Variants in CYFIP1 observed in about 807,000 individuals in gnomAD.
The protein encoded by CYFIP1 is cytoplasmic FMR1-interacting protein 1.
In CYFIP1, 58 loss-of-function variants were observed where a neutral mutation model predicts 163.5. The ratio of observed to expected loss-of-function variants is 0.35; its 90% CI spans 0.29 to 0.44. CYFIP1 has a LOEUF of 0.44. Among genes scored for constraint, CYFIP1 ranks in the 20% least tolerant of loss-of-function variants. CYFIP1 has a pLI of 1.00. For synonymous variants in CYFIP1, 663 were observed against 660.7 expected (o/e 1.00, Z -0.05); for missense variants, 1,338 against 1,653.8 (o/e 0.81, Z 3.31).
chr15:22,963,910 A>T (rs541363786), intron 1 of CYFIP1, among the ~76,000 whole-genome samples: 8 of 152,292 alleles, frequency 5.3e-5, no homozygotes, highest in Admixed American at 5.2e-4. Context: ...CCCCGGGAAT[A>T]AACATCAGTG....
Position 22,932,233 on chromosome 15 carries a change from C to G in CYFIP1, c.1100G>C (p.Ser367Thr). The change falls in exon 11 of 31, where the codon AGC becomes ACC. Residue 367 changes from serine to threonine, a missense_variant. Transcript: ENST00000617928. Reference sequence around the variant, plus strand: ...GGTCGCGGGGCGCACCTCGCTGTTGCTGTAGCGCGCCAGCTCCGAAATGAA... The same window carrying G: ...GGTCGCGGGGCGCACCTCGCTGTTGGTGTAGCGCGCCAGCTCCGAAATGAA... ...MRFISELARY[S>T]NSEVVTGSGR... 3 of 1,610,726 alleles carry G rather than the reference C, an allele frequency of 1.9e-6. No homozygotes were observed. Among genetic ancestry groups the G allele is most frequent in the Non-Finnish European group, 2.5e-6 (3 of 1,178,212 alleles).
At chr15:22,966,348 G>A (rs1439180653) in intron 1 of CYFIP1, among the ~76,000 whole-genome samples, 1 of 149,756 alleles carries the variant, frequency 6.7e-6, no homozygotes, top group Non-Finnish European at 1.5e-5. Flanking sequence ...ACTCCAGCCT[G>A]GGCAACAAAA....
At chr15:22,875,333 C>T in intron 26 of CYFIP1, 62 bp from the exon 27 acceptor site, 2 of 1,418,460 alleles carry the variant, frequency 1.4e-6, no homozygotes, top group South Asian at 1.1e-5. Context: ...CAATCTGGTG[C>T]TGAAAACCAA....
rs192839127 is a variant in CYFIP1 at position 22,932,993 on chromosome 15, C to T, written c.993-653G>A. Among the ~76,000 whole-genome samples, 582 of 152,116 alleles carry T rather than the reference C, an allele frequency of 3.8e-3. 2 individuals are homozygous for T. The highest frequency in any genetic ancestry group is 0.013 in the African/African-American group (549 of 41,502). ...GACTACAGGCGTGTGCCACCATGCC[C>T]GGCTAATTTTTGTATTTTTTCATAC... On this transcript the variant is annotated intron_variant, in intron 10 of 30. Transcript: ENST00000617928.
chr15:22,980,434 T>TCCTCCCGGCGCTCCTC (rs1190141033), upstream of CYFIP1: 1 of 151,642 alleles, frequency 6.6e-6, no homozygotes, highest in African/African-American at 2.4e-5. Context: ...CTCGGCCTCT[T>TCCTCCCGGCGCTCCTC]CCTCCCGGCG....
chr15:22,969,240 T>G (rs994195975), intron 1 of CYFIP1, among the ~76,000 whole-genome samples: 3 of 152,106 alleles, frequency 2.0e-5, no homozygotes, highest in Admixed American at 2.0e-4. Flanking sequence ...TATTCCCATC[T>G]AAAAAACCTG....
chr15:22,974,199 C>T (rs2063191510), intron 1 of CYFIP1, among the ~76,000 whole-genome samples: 1 of 152,106 alleles, frequency 6.6e-6, no homozygotes. Context: ...GAAATGAAAT[C>T]CGTATGTCCA....
At chr15:22,894,242 C>A (rs544258328) in intron 22 of CYFIP1, among the ~76,000 whole-genome samples, 69 of 150,276 alleles carry the variant, frequency 4.6e-4, no homozygotes, top group Middle Eastern at 3.5e-3. Flanking sequence ...AGCCAAGCGC[C>A]AGGATATGAT....
chr15:22,936,862 C>A (rs746195381), intron 9 of CYFIP1, among the ~76,000 whole-genome samples: 2 of 152,126 alleles, frequency 1.3e-5, no homozygotes, highest in African/African-American at 4.8e-5. Context: ...AGCAGCTGGA[C>A]GCAGAAGAGT....
At chr15:22,878,001 C>T (rs2059633578) in intron 26 of CYFIP1, among the ~76,000 whole-genome samples, 2 of 152,208 alleles carry the variant, frequency 1.3e-5, no homozygotes, top group South Asian at 4.1e-4. Context: ...ACAGCAATGC[C>T]CTGAGCTGTG....
intron 22 of CYFIP1, among the ~76,000 whole-genome samples, chr15:22,902,612 T>C (rs1227880289): frequency 6.6e-6 from 1 of 152,136 alleles, no homozygotes; most frequent in Non-Finnish European, 1.5e-5. Context: ...ACCATAAAGG[T>C]GAGTTAAACA....
Position 22,868,175 on chromosome 15 carries a change from T to G in CYFIP1, c.*1853A>C, listed in dbSNP as rs3693. ...CGTGGAAACTCCCTTTTTTCCAACT[T>G]TATTATTGGCCTTCTAAGGAGCTGT... On this transcript the variant is annotated 3_prime_UTR_variant, in exon 31 of 31. Coordinates refer to ENST00000617928, the MANE Select transcript of CYFIP1 (RefSeq NM_014608.6). The G allele has an allele frequency of 0.39, 59,096 of 152,114 alleles. 11,774 individuals are homozygous for G. The highest frequency in any genetic ancestry group is 0.48 in the Middle Eastern group (140 of 294). 9.4% of individuals were successfully genotyped at this position (152,114 alleles called of 1,614,324 possible).
At chr15:22,894,793 CAT>C (rs1250404405) in intron 22 of CYFIP1, among the ~76,000 whole-genome samples, 11 of 147,330 alleles carry the variant, frequency 7.5e-5, no homozygotes, top group Admixed American at 2.7e-4. Context: ...TGATACATAA[CAT>C]AATACATGTA....
At chr15:22,972,746 G>C (rs1458309378) in intron 1 of CYFIP1, among the ~76,000 whole-genome samples, 1 of 152,156 alleles carries the variant, frequency 6.6e-6, no homozygotes, top group Non-Finnish European at 1.5e-5. Context: ...AGGTGCGGTG[G>C]CTTAGCCTAT....
At chr15:22,919,831 G>C (rs1403181208) in intron 13 of CYFIP1, among the ~76,000 whole-genome samples, 1 of 151,952 alleles carries the variant, frequency 6.6e-6, no homozygotes, top group Non-Finnish European at 1.5e-5. Flanking sequence ...AGATCAGCCC[G>C]AACAAAATGG....
chr15:22,909,292 G>C lies in CYFIP1; in HGVS notation c.2290C>G (p.Leu764Val). The C allele has an allele frequency of 6.2e-7, 1 of 1,614,164 alleles. No homozygotes were observed. The change falls in exon 21 of 31, where the codon CTC (leucine) becomes GTC (valine). Residue 764 changes from leucine to valine, a missense_variant. By Grantham distance (32) the Leu-to-Val change is conservative (BLOSUM62 1). This residue lies in a region of CYFIP1 where 824 missense variants were observed against 995.7 expected (regional missense o/e 0.83). Coordinates refer to ENST00000617928, the MANE Select transcript of CYFIP1 (RefSeq NM_014608.6). ...ACGCGCTGGGTGATCAGACGATTGA[G>C]GTCTATTGATCTGCCGAGGAGCTGG... ...HVQLLGRSID[L>V]NRLITQRVSA...
At chr15:22,924,989 T>C (rs2061312421) in intron 13 of CYFIP1, among the ~76,000 whole-genome samples, 1 of 152,124 alleles carries the variant, frequency 6.6e-6, no homozygotes, top group South Asian at 2.1e-4. Flanking sequence ...GGAGGATTGC[T>C]TGAGTCCAGG....
At chr15:22,936,528 C>T (rs551250465) in intron 9 of CYFIP1, among the ~76,000 whole-genome samples, 12 of 152,270 alleles carry the variant, frequency 7.9e-5, no homozygotes, top group Non-Finnish European at 1.2e-4. Context: ...GCACCAGCGG[C>T]GCATTCTCTC....
chr15:22,919,401 T>A (rs546337785), intron 13 of CYFIP1, among the ~76,000 whole-genome samples: 1 of 152,344 alleles, frequency 6.6e-6, no homozygotes, highest in South Asian at 2.1e-4. Flanking sequence ...CATGACAGTG[T>A]GCTTTATTAC....
Sources: allele counts gnomAD v4.1 joint callset (sites outside exome capture counted in the v4.1 genomes callset), GRCh38; gene constraint gnomAD v4.1.1; regional missense constraint gnomAD v4.1.1; transcripts MANE v1.5; gene names NCBI Gene and HGNC (gene_info 2026-07-23, HGNC 2026-07-21).